The following SLC24A3 variants were observed in gnomAD, a reference collection of about 807,000 sequenced individuals.
The protein encoded by SLC24A3 is solute carrier family 24 member 3, also known as sodium/potassium/calcium exchanger 3.
In SLC24A3, 28 loss-of-function variants were observed where a neutral mutation model predicts 75.8. That is an observed-to-expected ratio of 0.37 (90% confidence interval 0.27 to 0.51). The LOEUF (loss-of-function observed/expected upper bound fraction) is 0.51. SLC24A3 is among the 20% of genes least tolerant of loss of function. The pLI is 0.94. For synonymous variants in SLC24A3, 372 were observed against 334.1 expected, an observed-to-expected ratio of 1.11 and a Z score of -1.24; for missense variants, 663 against 847.8, an observed-to-expected ratio of 0.78 and a Z score of 2.71.
intron 1 of SLC24A3, among the ~76,000 whole-genome samples, chr20:19,268,282 C>T (rs75107372): frequency 0.049 from 7,482 of 152,130 alleles, 264 homozygotes; most frequent in Non-Finnish European, 0.075. Context: ...ATTGTGAATT[C>T]ATATTTTAAA....
At chr20:19,361,055 C>T (rs189115578) in intron 2 of SLC24A3, among the ~76,000 whole-genome samples, 1 of 152,330 alleles carries the variant, frequency 6.6e-6, no homozygotes, top group Admixed American at 6.5e-5. Flanking sequence ...TCTCGATCTC[C>T]TGACCTCGTG....
intron 6 of SLC24A3, among the ~76,000 whole-genome samples, chr20:19,609,506 T>G (rs1397013319): frequency 6.6e-6 from 1 of 152,160 alleles, no homozygotes; most frequent in Non-Finnish European, 1.5e-5. Flanking sequence ...GCTATCAACC[T>G]GTCATCTAGG....
At chr20:19,316,784 CTT>C (rs1432013174) in intron 2 of SLC24A3, among the ~76,000 whole-genome samples, 1 of 152,132 alleles carries the variant, frequency 6.6e-6, no homozygotes, top group Non-Finnish European at 1.5e-5. Context: ...AATTAACTCT[CTT>C]TGCAAAATTT....
chr20:19,515,555 T>C lies in SLC24A3; in HGVS notation c.339T>C (p.His113=), dbSNP rs2029969701. 1 of 1,614,100 alleles carries C rather than the reference T, an allele frequency of 6.2e-7. No individual in the cohort carries two copies. Among genetic ancestry groups the C allele is most frequent in the Non-Finnish European group, 8.5e-7 (1 of 1,179,980 alleles). The change falls in exon 3 of 17, where the codon CAT becomes CAC. Residue 113 remains histidine (H), a synonymous_variant. Transcript: ENST00000328041. ...GAAGACAAGGTGCGGTGGTCCTCCA[T>C]GTGCTCTGTGTAAGTACCCCTCTGT... ...EDRRQGAVVL[H]VLCAIYMFYA...
At chr20:19,696,015 C>CTTTTTTTTTTTTTTTTTTTT (rs778046824) in intron 13 of SLC24A3, among the ~76,000 whole-genome samples, 1 of 108,074 alleles carries the variant, frequency 9.3e-6, no homozygotes, top group Non-Finnish European at 1.8e-5. Context: ...TTTTCCTTTT[C>CTTTTTTTTTTTTTTTTTTTT]TTTTTTTTTT....
chr20:19,583,091 T>C (rs2031241678), intron 4 of SLC24A3, among the ~76,000 whole-genome samples: 1 of 152,114 alleles, frequency 6.6e-6, no homozygotes, highest in African/African-American at 2.4e-5. Flanking sequence ...ACACACAGCA[T>C]GTCCCATCCC....
At chr20:19,318,123 G>C (rs891404945) in intron 2 of SLC24A3, among the ~76,000 whole-genome samples, 1 of 152,160 alleles carries the variant, frequency 6.6e-6, no homozygotes, top group African/African-American at 2.4e-5. Context: ...CCCTACAGGG[G>C]GCTGACTCTG....
chr20:19,607,883 G>A (rs1052806009), intron 6 of SLC24A3, among the ~76,000 whole-genome samples: 2 of 152,202 alleles, frequency 1.3e-5, no homozygotes, highest in Admixed American at 6.5e-5. Context: ...CATCCCAGTA[G>A]CCCTTTCTCA....
intron 13 of SLC24A3, chr20:19,694,663 C>A (rs1326044138): frequency 2.0e-5 from 3 of 152,184 alleles, no homozygotes; most frequent in Non-Finnish European, 4.4e-5. Flanking sequence ...TGTGCAGCCC[C>A]CTAACCAGCG....
intron 2 of SLC24A3, among the ~76,000 whole-genome samples, chr20:19,287,283 C>G (rs145224284): frequency 0.012 from 1,785 of 152,310 alleles, 17 homozygotes; most frequent in South Asian, 0.026. Context: ...GGGGAAAGAG[C>G]ATGGAGGATT....
chr20:19,405,235 G>A (rs80323374), intron 2 of SLC24A3, among the ~76,000 whole-genome samples: 4,534 of 152,190 alleles, frequency 0.03, 234 homozygotes, highest in African/African-American at 0.1. Context: ...TCCCCTCTGT[G>A]CAGTGGCTTG....
intron 6 of SLC24A3, among the ~76,000 whole-genome samples, chr20:19,599,178 A>C (rs1197255236): frequency 6.6e-6 from 1 of 152,192 alleles, no homozygotes; most frequent in Non-Finnish European, 1.5e-5. Context: ...CAGAGTTAGG[A>C]TGCAGAACAA....
At chr20:19,582,702 G>A (rs2031235614) in intron 4 of SLC24A3, among the ~76,000 whole-genome samples, 2 of 152,322 alleles carry the variant, frequency 1.3e-5, no homozygotes, top group Middle Eastern at 3.4e-3. Flanking sequence ...AACGTGCAGA[G>A]AGGGTCTCCA....
At chr20:19,435,212 T>G (rs1469731379) in intron 2 of SLC24A3, among the ~76,000 whole-genome samples, 1 of 152,226 alleles carries the variant, frequency 6.6e-6, no homozygotes, top group Non-Finnish European at 1.5e-5. Context: ...TGCAGAAAGT[T>G]GGGAAACTTA....
chr20:19,373,147 C>T (rs573052439), intron 2 of SLC24A3, among the ~76,000 whole-genome samples: 1 of 151,994 alleles, frequency 6.6e-6, no homozygotes, highest in African/African-American at 2.4e-5. Context: ...CTGTGCCTGT[C>T]TCACTTTGTC....
intron 2 of SLC24A3, among the ~76,000 whole-genome samples, chr20:19,508,838 G>C (rs6112429): frequency 0.018 from 2,770 of 152,368 alleles, 73 homozygotes; most frequent in African/African-American, 0.063. Context: ...GGTAGCTGCT[G>C]TTAACAGGCC....
At chr20:19,365,279 A>C (rs906462991) in intron 2 of SLC24A3, among the ~76,000 whole-genome samples, 7 of 152,122 alleles carry the variant, frequency 4.6e-5, no homozygotes, top group Admixed American at 1.3e-4. Context: ...GCTTGTGAAA[A>C]ATGCACATTC....
intron 2 of SLC24A3, among the ~76,000 whole-genome samples, chr20:19,475,760 G>A (rs956168916): frequency 1.3e-5 from 2 of 152,058 alleles, no homozygotes; most frequent in Non-Finnish European, 2.9e-5. Context: ...CATTTTTTCA[G>A]TTTAATTTAA....
chr20:19,470,216 G>T (rs1987846160), intron 2 of SLC24A3, among the ~76,000 whole-genome samples: 2 of 152,120 alleles, frequency 1.3e-5, no homozygotes, highest in Admixed American at 6.5e-5. Context: ...TTTTCCATCT[G>T]CTGTACAACC....
Sources: allele counts gnomAD v4.1 joint callset (sites outside exome capture counted in the v4.1 genomes callset), GRCh38; gene constraint gnomAD v4.1.1; transcripts MANE v1.5; gene names NCBI Gene and HGNC (gene_info 2026-07-23, HGNC 2026-07-21).